CDH13: variants seen among roughly 807,000 people sequenced by gnomAD.
CDH13 encodes the protein cadherin 13.
A neutral mutation model predicts 63.8 loss-of-function variants in CDH13; 24 were observed. The ratio of observed to expected loss-of-function variants is 0.38; its 90% confidence interval spans 0.27 to 0.53. CDH13 has a LOEUF of 0.53. Among genes scored for constraint, CDH13 ranks in the 20% least tolerant of loss-of-function variants. The pLI is 0.85. For missense variants in CDH13, 1,049 were observed against 903.1 expected (o/e 1.16, Z -2.07); for synonymous variants, 503 against 355.3 (o/e 1.42, Z -4.67).
At chr16:83,351,818 T>G (rs1377854421) in intron 6 of CDH13, among the ~76,000 whole-genome samples, 2 of 152,250 alleles carry the variant, frequency 1.3e-5, no homozygotes, top group Non-Finnish European at 2.9e-5. Flanking sequence ...GATTTTAGTC[T>G]GTATCTTGGC....
At chr16:83,444,605 G>T (rs1271181770) in intron 6 of CDH13, among the ~76,000 whole-genome samples, 1 of 152,162 alleles carries the variant, frequency 6.6e-6, no homozygotes, top group Non-Finnish European at 1.5e-5. Context: ...GCCAGTCATA[G>T]TGCCCAAGGA....
intron 1 of CDH13, among the ~76,000 whole-genome samples, chr16:82,672,784 C>T (rs1913411153): frequency 6.7e-6 from 1 of 149,020 alleles, no homozygotes; most frequent in African/African-American, 2.5e-5. Context: ...CACACACACA[C>T]ACACACACAC....
At position 83,381,225 on chromosome 16, in the gene CDH13, T is replaced by C. The variant is rs1372294688; in HGVS notation, c.781+36219T>C. Among the ~76,000 whole-genome samples, 3 of 152,166 alleles carry C rather than the reference T, an allele frequency of 2.0e-5. No homozygotes were observed. In the South Asian group the frequency reaches 6.2e-4, roughly 32 times the overall value. Reference sequence around the variant, plus strand: ...TTTTTCTAATTTCTAAAGTTGATGTTCCCTCCTTGCCATCTGGAGTGAGCA... The same window carrying C: ...TTTTTCTAATTTCTAAAGTTGATGTCCCCTCCTTGCCATCTGGAGTGAGCA... On this transcript the variant is annotated intron_variant, in intron 6 of 13. Transcript: ENST00000567109.
chr16:83,649,754 C>T (rs904225282), intron 8 of CDH13, among the ~76,000 whole-genome samples: 4 of 152,106 alleles, frequency 2.6e-5, no homozygotes, highest in East Asian at 1.9e-4. Flanking sequence ...TCGCACTCTT[C>T]CCCTGTGGGT....
chr16:83,159,958 C>T (rs1345742526), intron 4 of CDH13, among the ~76,000 whole-genome samples: 1 of 152,096 alleles, frequency 6.6e-6, no homozygotes, highest in Non-Finnish European at 1.5e-5. Context: ...TACCTGTAAT[C>T]TCAGCTACTC....
chr16:82,790,760 G>A (rs750587754), intron 1 of CDH13, among the ~76,000 whole-genome samples: 3 of 152,208 alleles, frequency 2.0e-5, no homozygotes, highest in Non-Finnish European at 2.9e-5. Flanking sequence ...GAAGGAGAGT[G>A]CCAAGGGAAG....
intron 3 of CDH13, among the ~76,000 whole-genome samples, chr16:83,120,805 C>G (rs986085091): frequency 1.4e-5 from 2 of 140,954 alleles, no homozygotes; most frequent in Non-Finnish European, 3.0e-5. Flanking sequence ...ACCGTGTCAC[C>G]CAGGCTGGAG....
At chr16:82,799,604 G>C (rs1256356527) in intron 1 of CDH13, among the ~76,000 whole-genome samples, 4 of 152,162 alleles carry the variant, frequency 2.6e-5, no homozygotes, top group Non-Finnish European at 4.4e-5. Context: ...AGTTTATTTA[G>C]ACCCATTTAT....
chr16:82,901,053 A>G (rs1338714969), intron 2 of CDH13, among the ~76,000 whole-genome samples: 1 of 147,344 alleles, frequency 6.8e-6, no homozygotes, highest in Non-Finnish European at 1.5e-5. Context: ...GTTGTTTCAC[A>G]TGAGCCAAAA....
intron 1 of CDH13, among the ~76,000 whole-genome samples, chr16:82,714,825 C>T (rs1443981430): frequency 2.8e-5 from 4 of 144,040 alleles, no homozygotes; most frequent in African/African-American, 1.0e-4. Flanking sequence ...ACCAAAACTG[C>T]CAGCAATGAC....
At chr16:83,592,841 A>T (rs563100016) in intron 7 of CDH13, among the ~76,000 whole-genome samples, 17 of 152,310 alleles carry the variant, frequency 1.1e-4, no homozygotes, top group African/African-American at 3.9e-4. Context: ...CATTCGTACC[A>T]AGAGGTAAGG....
intron 1 of CDH13, among the ~76,000 whole-genome samples, chr16:82,789,364 G>A (rs745730730): frequency 5.9e-5 from 9 of 152,144 alleles, no homozygotes; most frequent in Non-Finnish European, 1.0e-4. Context: ...GATATAAAGA[G>A]GCTGATATAT....
intron 5 of CDH13, among the ~76,000 whole-genome samples, chr16:83,284,388 C>T (rs539282976): frequency 1.3e-5 from 2 of 152,248 alleles, no homozygotes; most frequent in South Asian, 2.1e-4. Flanking sequence ...GATACTACCA[C>T]CTGTTTCACA....
At chr16:83,242,003 G>T (rs1904501208) in intron 5 of CDH13, among the ~76,000 whole-genome samples, 1 of 152,114 alleles carries the variant, frequency 6.6e-6, no homozygotes, top group Non-Finnish European at 1.5e-5. Flanking sequence ...ATTTTGAGCT[G>T]ATTTTTGTAT....
chr16:83,132,297 G>A (rs1346385990), intron 4 of CDH13, among the ~76,000 whole-genome samples: 1 of 151,938 alleles, frequency 6.6e-6, no homozygotes, highest in African/African-American at 2.4e-5. Context: ...GGCACTTACT[G>A]GGTTGTCTAG....
At chr16:83,562,486 T>C (rs1156635177) in intron 7 of CDH13, among the ~76,000 whole-genome samples, 1 of 152,242 alleles carries the variant, frequency 6.6e-6, no homozygotes, top group Non-Finnish European at 1.5e-5. Context: ...TTTAGATGTT[T>C]AATTTCTATT....
chr16:82,647,911 C>T (rs1035216747), intron 1 of CDH13, among the ~76,000 whole-genome samples: 4 of 152,116 alleles, frequency 2.6e-5, no homozygotes, highest in African/African-American at 9.7e-5. Flanking sequence ...GGGAGGGACC[C>T]TGTCGGGGGT....
At chr16:83,711,986 C>T (rs1908128803) in intron 10 of CDH13, among the ~76,000 whole-genome samples, 1 of 152,228 alleles carries the variant, frequency 6.6e-6, no homozygotes, top group Admixed American at 6.5e-5. Flanking sequence ...TCTGAGGCCT[C>T]TCTTCTTGGC....
chr16:83,306,961 T>G (rs926609670), intron 5 of CDH13, among the ~76,000 whole-genome samples: 1 of 152,220 alleles, frequency 6.6e-6, no homozygotes, highest in Non-Finnish European at 1.5e-5. Context: ...AAATCATGTT[T>G]GTTTCCTGAG....
Sources: allele counts gnomAD v4.1 joint callset (sites outside exome capture counted in the v4.1 genomes callset), GRCh38; gene constraint gnomAD v4.1.1; transcripts MANE v1.5; gene names NCBI Gene and HGNC (gene_info 2026-07-23, HGNC 2026-07-21).